SH3TC1: variants seen among roughly 807,000 people sequenced by gnomAD.
The protein encoded by SH3TC1 is SH3 domain and tetratricopeptide repeat-containing protein 1.
Under a neutral mutation model 117.3 loss-of-function variants are expected in SH3TC1, and 135 were observed. That is an observed-to-expected ratio of 1.15 (90% CI 1.00 to 1.33). The LOEUF (loss-of-function observed/expected upper bound fraction) is 1.33, where lower values mean the gene tolerates loss of function less well. Among genes scored for constraint, SH3TC1 ranks in the 40% most tolerant of loss-of-function variants. The pLI, the probability that SH3TC1 is intolerant of heterozygous loss-of-function variation, is 0.00. For synonymous variants in SH3TC1, 898 were observed against 816.9 expected (o/e 1.10, Z -1.69); for missense variants, 2,092 against 1,794.3 (o/e 1.17, Z -3.00).
upstream of SH3TC1, among the ~76,000 whole-genome samples, chr4:8,194,744 G>A (rs1717509094): frequency 6.6e-6 from 1 of 152,216 alleles, no homozygotes; most frequent in African/African-American, 2.4e-5. Context: ...GACGGTCGTT[G>A]CTTTCCAGAG....
chr4:8,240,560 C>A, intron 17 of SH3TC1, 138 bp from the exon 18 acceptor site: 2 of 1,378,712 alleles, frequency 1.5e-6, no homozygotes, highest in Non-Finnish European at 2.0e-6. Flanking sequence ...GCTGAGCCCA[C>A]AGCAGTGTCA....
intron 16 of SH3TC1, chr4:8,236,629 C>G: frequency 5.4e-6 from 3 of 555,072 alleles, no homozygotes; most frequent in Non-Finnish European, 8.6e-6. Context: ...CCCTGCCTGG[C>G]TGAGCTCTGC....
intron 1 of SH3TC1, among the ~76,000 whole-genome samples, chr4:8,200,637 A>G (rs1717769942): frequency 6.6e-6 from 1 of 152,234 alleles, no homozygotes; most frequent in East Asian, 1.9e-4. Context: ...GGCAGGGCCC[A>G]GCAGCGCACG....
upstream of SH3TC1, among the ~76,000 whole-genome samples, chr4:8,199,064 CT>C (rs1561675746): frequency 6.6e-6 from 1 of 152,234 alleles, no homozygotes; most frequent in Non-Finnish European, 1.5e-5. Flanking sequence ...CTGGGTGCCC[CT>C]AGCCTCTACT....
At position 8,237,556 on chromosome 4, in the gene SH3TC1, C is replaced by G; in HGVS notation, c.3639C>G (p.His1213Gln). 6.2e-7 allele frequency: 1 copy of G among 1,611,844 alleles called. No individual in the cohort carries two copies. The highest frequency in any genetic ancestry group is 8.5e-7 in the Non-Finnish European group (1 of 1,179,490). Residue 1213 changes from histidine (H) to glutamine (Q), a missense_variant, in exon 17 of 18, where the codon CAC (histidine) becomes CAG (glutamine). Physicochemically the swap from His to Gln is conservative, Grantham distance 24. Coordinates refer to ENST00000245105, the MANE Select transcript of SH3TC1 (RefSeq NM_018986.5). ...HRLGHGELAE[H>Q]FYLKALSLCN... ...TGGGCCATGGCGAGCTGGCAGAGCA[C>G]TTCTACCTCAAGGCCCTGTCGCTCT...
Position 8,214,490 on chromosome 4 carries a change from C to T in SH3TC1, c.391C>T (p.Leu131=). The T allele has an allele frequency of 1.9e-6, 3 of 1,613,936 alleles. No homozygotes were observed. The highest frequency in any genetic ancestry group is 2.5e-6 in the Non-Finnish European group (3 of 1,179,932). The stretch of plus-strand genomic sequence containing the variant: ...TTCTCTTAAGGAATTATCAGCCAGG[C>T]TGCTGTCCATCCACAGTGACCAGGA... ...ARVLGELSAR[L]LSIHSDQDRI... The change falls in exon 5 of 18, where the codon CTG becomes TTG. Residue 131 remains leucine, a synonymous_variant. Transcript: ENST00000245105.
At position 8,191,866 on chromosome 4, in the gene SH3TC1, C is replaced by T. The variant is rs552799881; in HGVS notation, c.-57+9656C>T. Among the ~76,000 whole-genome samples, 33 of 152,196 alleles carry T rather than the reference C, an allele frequency of 2.2e-4. 2 individuals carry two copies. Among genetic ancestry groups the T allele is most frequent in the Non-Finnish European group, 8.8e-5 (6 of 68,022 alleles). ...AGACAGCATTTTATACAGGAGGAAT[C>T]GGAGGCCGGGAAAGATGACGGGGCT... is the stretch of plus-strand genomic sequence containing the variant. On this transcript the variant is annotated intron_variant, in intron 1 of 16. Transcript: ENST00000508641.
In SH3TC1 at chr4:8,240,733, G is replaced by A. The variant is rs749358963; in HGVS notation, c.3789G>A (p.Ala1263=). The change falls in exon 18 of 18, where the codon GCG becomes GCA. Residue 1263 remains alanine (A), a synonymous_variant. Coordinates refer to ENST00000245105, the MANE Select transcript of SH3TC1 (RefSeq NM_018986.5). ...ATGCAGCCGGGTACTACCAGCTGGC[G>A]CTGGCAGCCGCCGTGGACCTGGGCA... The part of the protein sequence containing the change: ...PFDAAGYYQL[A]LAAAVDLGNK... 19 of 1,613,670 alleles carry A rather than the reference G, an allele frequency of 1.2e-5. No individual in the cohort carries two copies. The highest frequency in any genetic ancestry group is 5.0e-5 in the Admixed American group (3 of 60,014).
Position 8,216,846 on chromosome 4 carries a change from G to A in SH3TC1, c.629-111G>A, listed in dbSNP as rs558387820. On this transcript the variant is annotated intron_variant, in intron 6 of 17. Coordinates refer to ENST00000245105, the MANE Select transcript of SH3TC1 (RefSeq NM_018986.5). Reference sequence around the variant, plus strand: ...CTCTGTGCCTGCAGACACTGGGGGGGCCGCTCCTGTGGGTGTTGCCTTCGT... The same window carrying A: ...CTCTGTGCCTGCAGACACTGGGGGGACCGCTCCTGTGGGTGTTGCCTTCGT... The A allele has an allele frequency of 4.1e-3, 4,564 of 1,103,102 alleles. 21 individuals are homozygous for A. Among genetic ancestry groups the A allele is most frequent in the Non-Finnish European group, 4.8e-3 (3,477 of 729,842 alleles). The allele number at this position is 1,103,102 out of a possible 1,614,324, so 68.3% of individuals were successfully genotyped here. A position where few individuals can be genotyped will look rare whatever the true frequency, so the allele number is the denominator to read the frequency against.
At position 8,233,490 on chromosome 4, in the gene SH3TC1, G is replaced by A. The variant is rs756622184; in HGVS notation, c.3259G>A (p.Glu1087Lys). 2.2e-5 allele frequency: 36 copies of A among 1,612,380 alleles called. No homozygotes were observed. Among genetic ancestry groups the A allele is most frequent in the South Asian group, 1.9e-4 (17 of 90,750 alleles). ...GKIYYILRQS[E>K]LVDLYIQVAQ... ...GATCTATTACATCTTGCGGCAGAGCGAGCTGGTGGACCTCTACATCCAGGT... is the reference window on the plus strand; with the variant it reads ...GATCTATTACATCTTGCGGCAGAGCAAGCTGGTGGACCTCTACATCCAGGT... Residue 1087 changes from glutamate (E) to lysine (K), a missense_variant, in exon 14 of 18, where the codon GAG (glutamate) becomes AAG (lysine). Physicochemically the swap from Glu to Lys is moderately conservative, Grantham distance 56. Transcript: ENST00000245105.
At chr4:8,188,170 G>A (rs1441926705) in intron 1 of SH3TC1, among the ~76,000 whole-genome samples, 2 of 152,188 alleles carry the variant, frequency 1.3e-5, no homozygotes, top group Non-Finnish European at 2.9e-5. Context: ...GCTCTCTACG[G>A]GCAGGACTGG....
intron 1 of SH3TC1, among the ~76,000 whole-genome samples, chr4:8,189,672 G>A (rs374879837): frequency 6.6e-5 from 10 of 152,344 alleles, no homozygotes; most frequent in African/African-American, 2.4e-4. Context: ...GGGCCGGCGG[G>A]GGGCAGTAGG....
At chr4:8,217,191 TGA>T in intron 7 of SH3TC1, 24 bp downstream of exon 7, 1 of 1,575,868 alleles carries the variant, frequency 6.3e-7, no homozygotes, top group Non-Finnish European at 8.6e-7. Context: ...TTTGCTGCTC[TGA>T]GAGCTGTTGG....
At chr4:8,232,237 C>T (rs1336391055) in intron 13 of SH3TC1, 81 bp downstream of exon 13, 2 of 1,391,682 alleles carry the variant, frequency 1.4e-6, no homozygotes, top group Non-Finnish European at 1.9e-6. Flanking sequence ...GAAGCTGGCC[C>T]AGGGCCCCAG....
chr4:8,218,607 C>G (rs534905551), intron 8 of SH3TC1, among the ~76,000 whole-genome samples: 3 of 152,194 alleles, frequency 2.0e-5, no homozygotes, highest in Non-Finnish European at 2.9e-5. Context: ...ATAGGATGCT[C>G]AGTGAAGCTG....
At chr4:8,221,159 T>C (rs1008475949) in intron 9 of SH3TC1, among the ~76,000 whole-genome samples, 1 of 152,234 alleles carries the variant, frequency 6.6e-6, no homozygotes, top group African/African-American at 2.4e-5. Context: ...GTCTAGCTGA[T>C]CCCTACCATC....
At chr4:8,234,255 C>G (rs895570746) in intron 14 of SH3TC1, among the ~76,000 whole-genome samples, 1 of 151,482 alleles carries the variant, frequency 6.6e-6, no homozygotes, top group African/African-American at 2.4e-5. Context: ...ATCCATTCAC[C>G]TGTTTGTCCA....
chr4:8,225,159 T>C lies in SH3TC1; in HGVS notation c.1244-16T>C, dbSNP rs754281130. 3.7e-6 allele frequency: 6 copies of C among 1,613,672 alleles called. No homozygotes were observed. The South Asian group carries it at 5.5e-5, about 15-fold the overall frequency. ...TGGCTGGGGGTGTTGATTGCTTCTCTTTTCTCCCTTGCCAGACTCAGTAGA... is the reference window on the plus strand; with the variant it reads ...TGGCTGGGGGTGTTGATTGCTTCTCCTTTCTCCCTTGCCAGACTCAGTAGA... On this transcript the variant is annotated splice_polypyrimidine_tract_variant and intron_variant, in intron 10 of 17. Transcript: ENST00000245105. The surrounding 1 kb of genome is among the most constrained non-coding windows in gnomAD (Gnocchi z 5.5).
At chr4:8,236,579 CG>C in intron 16 of SH3TC1, 151 bp downstream of exon 16, 3 of 1,081,330 alleles carry the variant, frequency 2.8e-6, no homozygotes, top group Non-Finnish European at 3.8e-6. Flanking sequence ...CCCGTCCGGC[CG>C]TGGGGCACAG....
Sources: gnomAD v4.1 joint callset for allele counts (sites outside exome capture counted in the v4.1 genomes callset) on GRCh38, gnomAD v4.1.1 for gene constraint, Gnocchi (gnomAD v3.1) non-coding constraint, MANE v1.5 for transcripts, NCBI Gene and HGNC (gene_info 2026-07-23, HGNC 2026-07-21) for gene names.